Variants in CSMD1 observed in about 807,000 individuals in gnomAD.
CSMD1 encodes CUB and sushi domain-containing protein 1.
Under a neutral mutation model 417.5 loss-of-function variants are expected in CSMD1, and 213 were observed. The observed-to-expected ratio is 0.51, with a 90% CI of 0.46 to 0.57. The LOEUF (loss-of-function observed/expected upper bound fraction) is 0.57, where lower values mean the gene tolerates loss of function less well. Among genes scored for constraint, CSMD1 ranks in the 20% least tolerant of loss-of-function variants. The probability of loss-of-function intolerance (pLI) is 0.00; values close to 1 mark genes in which losing one functional copy is unlikely to be tolerated. For synonymous variants in CSMD1, 2,862 were observed against 1,736.8 expected, an observed-to-expected ratio of 1.65 and a Z score of -16.11; for missense variants, 6,923 against 4,529.7, an observed-to-expected ratio of 1.53 and a Z score of -15.17.
At chr8:3,195,541 A>G (rs1796658993) in intron 33 of CSMD1, among the ~76,000 whole-genome samples, 2 of 152,202 alleles carry the variant, frequency 1.3e-5, no homozygotes, top group African/African-American at 2.4e-5. Flanking sequence ...CATTGCGTCT[A>G]AGAATATGTT....
Position 3,233,063 on chromosome 8 carries a change from A to G in CSMD1, c.4154-2832T>C, listed in dbSNP as rs555898818. On this transcript the variant is annotated intron_variant, in intron 26 of 69. Transcript: ENST00000635120. Reference sequence around the variant, plus strand: ...TTTAAATTTTCATACATACTTATCAATTTGTTTGCTTATTATGTTTTCTTT... The same window carrying G: ...TTTAAATTTTCATACATACTTATCAGTTTGTTTGCTTATTATGTTTTCTTT... Among the ~76,000 whole-genome samples, 201 of 150,958 alleles carry G rather than the reference A, an allele frequency of 1.3e-3. 2 individuals are homozygous for G. The highest frequency in any genetic ancestry group is 4.7e-3 in the African/African-American group (195 of 41,166).
chr8:2,945,440 G>T (rs1326422452), intron 68 of CSMD1, among the ~76,000 whole-genome samples: 1 of 152,082 alleles, frequency 6.6e-6, no homozygotes, highest in Non-Finnish European at 1.5e-5. Flanking sequence ...GGACATTAAG[G>T]GTGTTTCTAA....
intron 3 of CSMD1, among the ~76,000 whole-genome samples, chr8:4,129,390 C>A (rs1041931757): frequency 2.0e-5 from 3 of 152,126 alleles, no homozygotes; most frequent in Admixed American, 1.3e-4. Context: ...CCACCCCCAA[C>A]ACACCATGTT....
intron 10 of CSMD1, among the ~76,000 whole-genome samples, chr8:3,531,346 A>C (rs1797972389): frequency 6.6e-6 from 1 of 152,102 alleles, no homozygotes; most frequent in Non-Finnish European, 1.5e-5. Flanking sequence ...TTTAGCCCCT[A>C]TCCGACTTAT....
At chr8:4,127,018 A>G (rs976470329) in intron 3 of CSMD1, among the ~76,000 whole-genome samples, 1 of 152,188 alleles carries the variant, frequency 6.6e-6, no homozygotes, top group Non-Finnish European at 1.5e-5. Flanking sequence ...CCTACAAAAT[A>G]TATATACCCT....
intron 12 of CSMD1, among the ~76,000 whole-genome samples, chr8:3,458,065 G>A (rs972544739): frequency 1.3e-5 from 2 of 152,208 alleles, no homozygotes; most frequent in Admixed American, 6.5e-5. Flanking sequence ...ACAGATTGGA[G>A]AACGTCTCCC....
At chr8:4,741,872 C>T (rs1350045133) in intron 1 of CSMD1, among the ~76,000 whole-genome samples, 3 of 151,994 alleles carry the variant, frequency 2.0e-5, no homozygotes, top group Admixed American at 6.6e-5. Context: ...CTCACTCTGT[C>T]ACCCAGGCTG....
Position 3,267,234 on chromosome 8 carries a change from T to C in CSMD1, c.4153+16910A>G, listed in dbSNP as rs144525694. Among the ~76,000 whole-genome samples, 16 of 152,246 alleles carry C rather than the reference T, an allele frequency of 1.1e-4. No homozygotes were observed. The East Asian group carries it at 2.9e-3, about 28-fold the overall frequency. On this transcript the variant is annotated intron_variant, in intron 26 of 69. Coordinates refer to ENST00000635120, the MANE Select transcript of CSMD1 (RefSeq NM_033225.6). The stretch of plus-strand genomic sequence containing the variant: ...GGAGTGAGAAACAGTGGCTCACTGC[T>C]AGCTTGCATGACCGTTGGAAGGAAG...
At chr8:4,505,096 C>A (rs888773770) in intron 2 of CSMD1, among the ~76,000 whole-genome samples, 6 of 152,154 alleles carry the variant, frequency 3.9e-5, no homozygotes, top group Non-Finnish European at 7.4e-5. Flanking sequence ...ACACTCCTAC[C>A]AACACCAATA....
chr8:4,468,872 C>T (rs989791237), intron 2 of CSMD1, among the ~76,000 whole-genome samples: 26 of 152,242 alleles, frequency 1.7e-4, no homozygotes, highest in African/African-American at 5.8e-4. Context: ...TAAACTTGAA[C>T]ACTGCAAGGA....
At chr8:4,413,531 T>A (rs956432023) in intron 3 of CSMD1, among the ~76,000 whole-genome samples, 1 of 152,142 alleles carries the variant, frequency 6.6e-6, no homozygotes, top group African/African-American at 2.4e-5. Context: ...ATGTTAGTGT[T>A]CATGTACTGA....
chr8:4,188,609 T>G (rs1798824340), intron 3 of CSMD1, among the ~76,000 whole-genome samples: 1 of 152,114 alleles, frequency 6.6e-6, no homozygotes, highest in African/African-American at 2.4e-5. Flanking sequence ...AAGCTTAAGA[T>G]TCTGTGAGTA....
At position 4,582,071 on chromosome 8, in the gene CSMD1, CTTTT is replaced by C. The variant is rs143519322; in HGVS notation, c.302+55267_302+55270del. The stretch of plus-strand genomic sequence containing the variant: ...TCATGGGACACTGCGTTCCGAGCCT[CTTTT>C]TTTTTTTTGGTTTGTTTTGTTTTTA... On this transcript the variant is annotated intron_variant, in intron 2 of 69. Transcript: ENST00000635120. 8.1e-5 allele frequency among the ~76,000 whole-genome samples: 12 copies of C among 148,312 alleles called. No homozygotes were observed. In the South Asian group the frequency reaches 2.6e-3, roughly 32 times the overall value.
chr8:3,202,891 G>T (rs1797063008), intron 31 of CSMD1, among the ~76,000 whole-genome samples: 1 of 152,172 alleles, frequency 6.6e-6, no homozygotes, highest in African/African-American at 2.4e-5. Context: ...TAGGCTAGGT[G>T]AATTTTCCCA....
In CSMD1 at chr8:4,666,963, T is replaced by C. The variant is rs949545725; in HGVS notation, c.86-29405A>G. On this transcript the variant is annotated intron_variant, in intron 1 of 69. Transcript: ENST00000635120. ...TTGTGAAGCATTTATAAAATTTTTA[T>C]GTAATTTTTATTCCTTTAGTTTATA... Among the ~76,000 whole-genome samples the C allele has an allele frequency of 2.9e-4, 44 of 152,198 alleles. 2 individuals are homozygous for C. Among genetic ancestry groups the C allele is most frequent in the Non-Finnish European group, 7.3e-5 (5 of 68,030 alleles).
intron 56 of CSMD1, among the ~76,000 whole-genome samples, chr8:2,974,124 G>GAT (rs1563196757): frequency 4.0e-5 from 6 of 151,324 alleles, no homozygotes; most frequent in South Asian, 2.1e-4. Context: ...GATGGTAGAG[G>GAT]GAGGGAAAAT....
intron 26 of CSMD1, among the ~76,000 whole-genome samples, chr8:3,283,450 T>C (rs6558751): frequency 0.92 from 138,935 of 151,648 alleles, 64,360 homozygotes; most frequent in East Asian, 0.98. Flanking sequence ...TTTTTTTTTT[T>C]ATGTAACTAA....
intron 2 of CSMD1, among the ~76,000 whole-genome samples, chr8:4,565,162 C>A (rs979952799): frequency 6.6e-6 from 1 of 152,186 alleles, no homozygotes; most frequent in East Asian, 1.9e-4. Context: ...ACTGATTTGA[C>A]TTTCCAATGA....
intron 6 of CSMD1, among the ~76,000 whole-genome samples, chr8:3,743,530 G>A (rs140616474): frequency 2.0e-5 from 3 of 152,244 alleles, no homozygotes; most frequent in Middle Eastern, 3.4e-3. Context: ...AAACAAGGGT[G>A]GTTGCAGGGT....
Sources: allele counts gnomAD v4.1 joint callset (sites outside exome capture counted in the v4.1 genomes callset), GRCh38; gene constraint gnomAD v4.1.1; transcripts MANE v1.5; gene names NCBI Gene and HGNC (gene_info 2026-07-23, HGNC 2026-07-21).